Variants in PRDM12 observed in about 807,000 individuals in gnomAD.
The protein encoded by PRDM12 is PR/SET domain 12, also known as PR domain zinc finger protein 12.
PRDM12 carries 17 observed loss-of-function variants against 29.6 expected under a neutral mutation model. The observed-to-expected ratio is 0.57, with a 90% CI of 0.39 to 0.86. The LOEUF (loss-of-function observed/expected upper bound fraction) is 0.86, where lower values mean the gene tolerates loss of function less well. Among genes scored for constraint, PRDM12 ranks in the 40% least tolerant of loss-of-function variants. PRDM12 has a pLI of 0.00. For synonymous variants in PRDM12, 231 were observed against 225.8 expected, an observed-to-expected ratio of 1.02 and a Z score of -0.21; for missense variants, 422 against 510.8, an observed-to-expected ratio of 0.83 and a Z score of 1.68.
chr9:130,669,251 C>T (rs1588185269), intron 3 of PRDM12, among the ~76,000 whole-genome samples: 1 of 151,936 alleles, frequency 6.6e-6, no homozygotes, highest in African/African-American at 2.4e-5. Flanking sequence ...GGCGTGAACC[C>T]GGAAGGCGGA....
At position 130,664,842 on chromosome 9, in the gene PRDM12, C is replaced by T. The variant is rs1335266905; in HGVS notation, c.189C>T (p.Phe63=). Reference sequence around the variant, plus strand: ...ACCACGCCAGCCCCAAGACAGCCTTCACCGCCGAGGTGCTGGCGCAGTCCT... The same window carrying T: ...ACCACGCCAGCCCCAAGACAGCCTTTACCGCCGAGGTGCTGGCGCAGTCCT... ...KSHHASPKTA[F]TAEVLAQSFS... is the part of the protein sequence containing the mutation. Residue 63 remains phenylalanine, a synonymous_variant, in exon 1 of 5, where the codon TTC becomes TTT. Transcript: ENST00000253008. This position sits in a 1 kb window ranked among gnomAD's most constrained non-coding sequence, Gnocchi z 6.4. 3 of 1,550,144 alleles carry T rather than the reference C, an allele frequency of 1.9e-6. No homozygotes were observed. In the South Asian group the frequency reaches 3.6e-5, roughly 18 times the overall value.
At chr9:130,680,298 C>T (rs1283760186) in intron 4 of PRDM12, among the ~76,000 whole-genome samples, 1 of 152,032 alleles carries the variant, frequency 6.6e-6, no homozygotes, top group African/African-American at 2.4e-5. Flanking sequence ...GATGGCACCA[C>T]TGCACTCCAG....
At chr9:130,680,680 T>A (rs1245437628) in intron 4 of PRDM12, among the ~76,000 whole-genome samples, 1 of 136,534 alleles carries the variant, frequency 7.3e-6, no homozygotes, top group Non-Finnish European at 1.5e-5. Context: ...TTTTAACTGA[T>A]CCTTACCATG....
At chr9:130,678,770 T>C (rs780108491) in intron 4 of PRDM12, 130 bp downstream of exon 4, 14 of 718,222 alleles carry the variant, frequency 1.9e-5, no homozygotes, top group African/African-American at 1.1e-4. Flanking sequence ...TCTGGCAGCA[T>C]TGAGCAGATC....
chr9:130,675,479 G>A (rs954777909), intron 3 of PRDM12, among the ~76,000 whole-genome samples: 2 of 152,236 alleles, frequency 1.3e-5, no homozygotes, highest in South Asian at 4.1e-4. Flanking sequence ...GGCTTCCACC[G>A]AACCAGCGGC....
rs953000438 is a variant in PRDM12 at position 130,668,474 on chromosome 9, G to C, written c.570+161G>C. ...CCATGGGGCTGTGGCAGACAGGTGG[G>C]TCTCCAGACATCCCGCTGTCCAGGT... On this transcript the variant is annotated intron_variant, in intron 3 of 4. Transcript: ENST00000253008. The surrounding 1 kb of genome is among the most constrained non-coding windows in gnomAD (Gnocchi z 4.0). 6.6e-6 allele frequency among the ~76,000 whole-genome samples: 1 copy of C among 152,244 alleles called. No homozygotes were observed. The highest frequency in any genetic ancestry group is 1.5e-5 in the Non-Finnish European group (1 of 68,048).
chr9:130,666,580 A>C, intron 1 of PRDM12, 28 bp from the exon 2 acceptor site: 1 of 1,594,650 alleles, frequency 6.3e-7, no homozygotes, highest in Non-Finnish European at 8.5e-7. Flanking sequence ...TCGGGCTCTG[A>C]CCGGTTTTCC....
rs183182839 is a variant in PRDM12, at chr9:130,676,257, G to A, written c.571-2272G>A. Among the ~76,000 whole-genome samples, 225 of 152,250 alleles carry A rather than the reference G, an allele frequency of 1.5e-3. 1 individual carries two copies. Among genetic ancestry groups the A allele is most frequent in the South Asian group, 2.3e-3 (11 of 4,832 alleles). Reference sequence around the variant, plus strand: ...TGTAATCCCAGCAATTTGGGAGACCGAGGCGGGCGGATCACGAGATCAGGA... The same window carrying A: ...TGTAATCCCAGCAATTTGGGAGACCAAGGCGGGCGGATCACGAGATCAGGA... On this transcript the variant is annotated intron_variant, in intron 3 of 4. Transcript: ENST00000253008.
rs1564248513 is a variant in PRDM12 at position 130,678,601 on chromosome 9, G to A, written c.643G>A (p.Val215Met). Residue 215 changes from valine to methionine, a missense_variant, in exon 4 of 5, where the codon GTG becomes ATG. Val to Met is a conservative substitution (Grantham distance 21). Around this residue, in one of 5 missense-constraint regions of PRDM12, gnomAD observed 300 missense variants for 350.0 expected, o/e 0.86. Transcript: ENST00000253008. ...SHNTFLGIPG[V>M]PGLEEDQKKN... ...CAACACCTTCCTGGGGATCCCAGGT[G>A]TGCCCGGGCTAGAGGAGGACCAGAA... 1.2e-6 allele frequency: 2 copies of A among 1,613,466 alleles called. No individual in the cohort carries two copies. Among genetic ancestry groups the A allele is most frequent in the African/African-American group, 2.7e-5 (2 of 75,020 alleles).
In PRDM12 at chr9:130,664,637, G is replaced by T. The variant is rs761496937; in HGVS notation, c.-17G>T. ...CGGCCCGGCCGTCCCCCGGCGCCGG[G>T]GAGCTCCGGGCCGCCCATGATGGGC... is the stretch of plus-strand genomic sequence containing the variant. On this transcript the variant is annotated 5_prime_UTR_variant, in exon 1 of 5. Coordinates refer to ENST00000253008, the MANE Select transcript of PRDM12 (RefSeq NM_021619.3). This position sits in a 1 kb window ranked among gnomAD's most constrained non-coding sequence, Gnocchi z 6.4. 1 of 1,532,886 alleles carries T rather than the reference G, an allele frequency of 6.5e-7. No individual in the cohort carries two copies. Among genetic ancestry groups the T allele is most frequent in the Admixed American group, 2.0e-5 (1 of 49,060 alleles). 95.0% of individuals were successfully genotyped at this position (1,532,886 alleles called of 1,614,324 possible). A position where few individuals can be genotyped will look rare whatever the true frequency, so the allele number is the denominator to read the frequency against.
At chr9:130,665,355 G>T (rs1168473308) in intron 1 of PRDM12, among the ~76,000 whole-genome samples, 1 of 152,142 alleles carries the variant, frequency 6.6e-6, no homozygotes, top group Non-Finnish European at 1.5e-5. Context: ...CGCGGGGAGA[G>T]CGAGGGAGAG....
intron 3 of PRDM12, among the ~76,000 whole-genome samples, chr9:130,673,210 C>T (rs1830805015): frequency 6.8e-6 from 1 of 146,200 alleles, no homozygotes; most frequent in African/African-American, 2.4e-5. Context: ...GCCGAGGGGG[C>T]CTAGAGGGCA....
intron 2 of PRDM12, among the ~76,000 whole-genome samples, 195 bp downstream of exon 2, chr9:130,666,993 C>A (rs895704266): frequency 6.6e-6 from 1 of 152,230 alleles, no homozygotes; most frequent in Non-Finnish European, 1.5e-5. Flanking sequence ...CCTCCCAACC[C>A]GTGCCGAAAA....
Position 130,668,138 on chromosome 9 carries a change from C to T in PRDM12, c.415-20C>T, listed in dbSNP as rs751050172. 12 of 1,613,540 alleles carry T rather than the reference C, an allele frequency of 7.4e-6. No homozygotes were observed. In the Admixed American group the frequency reaches 1.8e-4, roughly 25 times the overall value. On this transcript the variant is annotated intron_variant, in intron 2 of 4. Coordinates refer to ENST00000253008, the MANE Select transcript of PRDM12 (RefSeq NM_021619.3). This position sits in a 1 kb window ranked among gnomAD's most constrained non-coding sequence, Gnocchi z 4.0. Reference sequence around the variant, plus strand: ...TGGCATAGCCCTGCCTTACCTGGTCCTTGATCCATCTGTGCCCAGGTGTTC... The same window carrying T: ...TGGCATAGCCCTGCCTTACCTGGTCTTTGATCCATCTGTGCCCAGGTGTTC...
intron 4 of PRDM12, 70 bp downstream of exon 4, chr9:130,678,710 G>GAA (rs1380606280): frequency 7.7e-7 from 1 of 1,292,724 alleles, no homozygotes; most frequent in African/African-American, 1.5e-5. Context: ...GGGAGAGAGA[G>GAA]AATGAGAGAG....
chr9:130,675,108 GA>G (rs1448651803), intron 3 of PRDM12, among the ~76,000 whole-genome samples: 2 of 152,182 alleles, frequency 1.3e-5, no homozygotes, highest in East Asian at 3.8e-4. Flanking sequence ...TCAAACTCCT[GA>G]CCTCAAGTGA....
At position 130,664,755 on chromosome 9, in the gene PRDM12, C is replaced by T. The variant is rs759531186; in HGVS notation, c.102C>T (p.His34=). Residue 34 remains histidine (H), a synonymous_variant, in exon 1 of 5, where the codon CAC becomes CAT. Coordinates refer to ENST00000253008, the MANE Select transcript of PRDM12 (RefSeq NM_021619.3). This position sits in a 1 kb window ranked among gnomAD's most constrained non-coding sequence, Gnocchi z 6.4. The stretch of plus-strand genomic sequence containing the variant: ...AGGTTATCACCTCCGACATCCTGCA[C>T]AGCTTCCTGTACGGCCGCTGGCGCA... ...LAEVITSDIL[H]SFLYGRWRNV... 2 of 1,610,704 alleles carry T rather than the reference C, an allele frequency of 1.2e-6. No homozygotes were observed. Among genetic ancestry groups the T allele is most frequent in the Middle Eastern group, 1.9e-4 (1 of 5,372 alleles).
chr9:130,672,697 C>T (rs921071795), intron 3 of PRDM12, among the ~76,000 whole-genome samples: 4 of 152,176 alleles, frequency 2.6e-5, no homozygotes, highest in Admixed American at 6.5e-5. Context: ...TTTGCTGGAA[C>T]TCTATTAATT....
chr9:130,664,837 G>A lies in PRDM12; in HGVS notation c.184G>A (p.Ala62Thr). The A allele has an allele frequency of 1.3e-6, 2 of 1,551,106 alleles. No homozygotes were observed. Among genetic ancestry groups the A allele is most frequent in the East Asian group, 2.4e-5 (1 of 41,312 alleles). ...GAGCCACCACGCCAGCCCCAAGACAGCCTTCACCGCCGAGGTGCTGGCGCA... is the reference window on the plus strand; with the variant it reads ...GAGCCACCACGCCAGCCCCAAGACAACCTTCACCGCCGAGGTGCTGGCGCA... Reference protein sequence around the residue: ...DKSHHASPKTAFTAEVLAQSF... With the variant: ...DKSHHASPKTTFTAEVLAQSF... Residue 62 changes from alanine to threonine, a missense_variant, in exon 1 of 5, where the codon GCC (alanine) becomes ACC (threonine). Physicochemically the swap from Ala to Thr is moderately conservative, Grantham distance 58 (BLOSUM62 0). This residue lies in a region of PRDM12 where 300 missense variants were observed against 350.0 expected (regional missense o/e 0.86). Transcript: ENST00000253008. This position sits in a 1 kb window ranked among gnomAD's most constrained non-coding sequence, Gnocchi z 6.4.
Sources: allele counts gnomAD v4.1 joint callset (sites outside exome capture counted in the v4.1 genomes callset), GRCh38; gene constraint gnomAD v4.1.1; regional missense constraint gnomAD v4.1.1; non-coding constraint Gnocchi (gnomAD v3.1); transcripts MANE v1.5; gene names NCBI Gene and HGNC (gene_info 2026-07-23, HGNC 2026-07-21).